ATP7B: variants seen among roughly 807,000 people sequenced by gnomAD.
ATP7B encodes ATPase copper transporting beta.
A neutral mutation model predicts 118.9 loss-of-function variants in ATP7B; 113 were observed. That is an observed-to-expected ratio of 0.95 (90% CI 0.82 to 1.11). The LOEUF is 1.11. Ranked by LOEUF, ATP7B falls within the 50% of genes most tolerant of loss-of-function variation. The pLI, the probability that ATP7B is intolerant of heterozygous loss-of-function variation, is 0.00. For synonymous variants in ATP7B, 777 were observed against 727.4 expected, an observed-to-expected ratio of 1.07 and a Z score of -1.10; for missense variants, 1,867 against 1,871.4, an observed-to-expected ratio of 1.00 and a Z score of 0.04.
At chr13:52,006,239 A>AT (rs1447948350) in intron 1 of ATP7B, among the ~76,000 whole-genome samples, 5 of 152,174 alleles carry the variant, frequency 3.3e-5, no homozygotes, top group African/African-American at 1.2e-4. Flanking sequence ...CTCGATATCT[A>AT]TGCTATGGCA....
intron 14 of ATP7B, among the ~76,000 whole-genome samples, chr13:51,943,075 G>A (rs1162734439): frequency 6.6e-6 from 1 of 152,208 alleles, no homozygotes; most frequent in African/African-American, 2.4e-5. Flanking sequence ...AGGAATGGCT[G>A]GGGTTTCTGG....
intron 2 of ATP7B, among the ~76,000 whole-genome samples, chr13:51,971,068 A>G (rs761636527): frequency 2.0e-4 from 31 of 152,222 alleles, no homozygotes; most frequent in Non-Finnish European, 4.1e-4. Flanking sequence ...CTTCAGGAAT[A>G]CTTACTGCAT....
chr13:51,958,144 A>G, intron 8 of ATP7B, 167 bp downstream of exon 8: 1 of 753,844 alleles, frequency 1.3e-6, no homozygotes. Context: ...AGTAGTGACC[A>G]ATTTGGAGAT....
intron 1 of ATP7B, 78 bp downstream of exon 1, chr13:52,011,208 AG>A: frequency 6.2e-7 from 1 of 1,609,764 alleles, no homozygotes; most frequent in Non-Finnish European, 8.5e-7. Flanking sequence ...CCTGGGGGCG[AG>A]TAAGCGCCGA....
In ATP7B at chr13:51,965,013, C is replaced by T. The variant is rs116703544; in HGVS notation, c.1728G>A (p.Ala576=). 1,395 of 1,614,086 alleles carry T rather than the reference C, an allele frequency of 8.6e-4. 8 individuals carry two copies. In the African/African-American group the frequency reaches 0.014, roughly 16 times the overall value. The part of the protein sequence containing the change: ...IELTITGMTC[A]SCVHNIESKL... ...TGGACTCTATGTTGTGGACACAGGA[C>T]GCGCAGGTCATCCCTGTGATCTGCA... Residue 576 remains alanine, a synonymous_variant, in exon 5 of 21, where the codon GCG becomes GCA. Transcript: ENST00000242839.
Position 51,974,131 on chromosome 13 carries a change from A to T in ATP7B, c.1089T>A (p.Ile363=). 6.2e-7 allele frequency: 1 copy of T among 1,613,902 alleles called. No individual in the cohort carries two copies. Among genetic ancestry groups the T allele is most frequent in the African/African-American group, 1.3e-5 (1 of 74,952 alleles). The part of the protein sequence containing the change: ...QVQGTCSTTL[I]AIAGMTCASC... ...ATGCACAGGTCATGCCGGCAATGGC[A>T]ATCAGAGTGGTACTGCATGTGCCCT... Residue 363 remains isoleucine, a synonymous_variant, in exon 2 of 21, where the codon ATT becomes ATA. Coordinates refer to ENST00000242839, the MANE Select transcript of ATP7B (RefSeq NM_000053.4).
intron 1 of ATP7B, among the ~76,000 whole-genome samples, chr13:51,994,886 C>T (rs909062154): frequency 2.0e-5 from 3 of 152,184 alleles, no homozygotes; most frequent in Admixed American, 6.5e-5. Context: ...GTTATACTGT[C>T]TTACTTTTGG....
At chr13:51,962,046 T>C in intron 5 of ATP7B, 133 bp from the exon 6 acceptor site, 1 of 721,270 alleles carries the variant, frequency 1.4e-6, no homozygotes, top group Non-Finnish European at 2.4e-6. Context: ...CTTTGTGGGT[T>C]TTCTGCTTAC....
rs769655497 is a variant in ATP7B, at chr13:51,974,868, C to T, written c.352G>A (p.Asp118Asn). ...CLQQVCHQIG[D>N]MGFEASIAEG... ...GCAATGCTGGCCTCGAAGCCCATGT[C>T]CCCAATTTGATGGCAAACCTGTTGC... The change falls in exon 2 of 21, where the codon GAC becomes AAC. Residue 118 changes from aspartate to asparagine, a missense_variant. Asp to Asn is a conservative substitution (Grantham distance 23). Transcript: ENST00000242839. 105 of 1,614,118 alleles carry T rather than the reference C, an allele frequency of 6.5e-5. No homozygotes were observed. In the Admixed American group the frequency reaches 1.6e-3, roughly 25 times the overall value.
chr13:51,934,681 C>G lies in ATP7B; in HGVS notation c.*75G>C, dbSNP rs1270714112. 3.1e-6 allele frequency: 5 copies of G among 1,598,206 alleles called. No homozygotes were observed. The African/African-American group carries it at 5.4e-5, about 17-fold the overall frequency. ...AAAGCTGGAGGCTAGCTCAGCCCAT[C>G]CTGCTGCTGGCTGTCCTGCTCAGCT... On this transcript the variant is annotated 3_prime_UTR_variant, in exon 21 of 21. Transcript: ENST00000242839.
chr13:51,970,743 C>G lies in ATP7B; in HGVS notation c.1292G>C (p.Cys431Ser). Residue 431 changes from cysteine to serine, a missense_variant, in exon 3 of 21, where the codon TGT becomes TCT. Cys to Ser is a moderately radical substitution (Grantham distance 112). Transcript: ENST00000242839. ...GFEASVVSES[C>S]STNPLGNHSA... ...GTGGTTTCCAAGAGGGTTAGTAGAA[C>G]AGCTTTCTAGGATAAAATGTCAGAA... The G allele has an allele frequency of 6.2e-7, 1 of 1,613,706 alleles. No homozygotes were observed. The highest frequency in any genetic ancestry group is 8.5e-7 in the Non-Finnish European group (1 of 1,179,658).
At chr13:51,938,842 G>A (rs1398887875) in intron 17 of ATP7B, among the ~76,000 whole-genome samples, 1 of 152,122 alleles carries the variant, frequency 6.6e-6, no homozygotes, top group African/African-American at 2.4e-5. Context: ...GGATGCATGC[G>A]CCCAAGCTCC....
At chr13:51,958,659 C>T in intron 7 of ATP7B, 115 bp from the exon 8 acceptor site, 1 of 860,380 alleles carries the variant, frequency 1.2e-6, no homozygotes, top group Non-Finnish European at 1.9e-6. Flanking sequence ...ACAGTCGTGA[C>T]AGTACTTCTT....
intron 4 of ATP7B, among the ~76,000 whole-genome samples, chr13:51,967,371 A>G (rs936642642): frequency 6.6e-6 from 1 of 152,202 alleles, no homozygotes; most frequent in Non-Finnish European, 1.5e-5. Context: ...ACACTACAAT[A>G]AAAAAATTGT....
At position 51,937,592 on chromosome 13, in the gene ATP7B, C is replaced by T. The variant is rs781514805; in HGVS notation, c.3787G>A (p.Ala1263Thr). 3.1e-6 allele frequency: 5 copies of T among 1,614,258 alleles called. No individual in the cohort carries two copies. The highest frequency in any genetic ancestry group is 3.4e-6 in the Non-Finnish European group (4 of 1,180,052). Residue 1263 changes from alanine to threonine, a missense_variant, in exon 18 of 21, where the codon GCC becomes ACC. By Grantham distance (58) the Ala-to-Thr change is moderately conservative. Transcript: ENST00000242839. ...QELQNKGKKV[A>T]MVGDGVNDSP... ...TCATTGACCCCATCCCCCACCATGG[C>T]GACTTTCTTCCCTTTATTCTGGAGC...
Position 51,939,085 on chromosome 13 carries a change from T to C in ATP7B, c.3665A>G (p.Asp1222Gly). The change falls in exon 17 of 21, where the codon GAC (aspartate) becomes GGC (glycine). Residue 1222 changes from aspartate (D) to glycine (G), a missense_variant. Physicochemically the swap from Asp to Gly is moderately conservative, Grantham distance 94. Coordinates refer to ENST00000242839, the MANE Select transcript of ATP7B (RefSeq NM_000053.4). ...AATAGCTCTGGCTGTCTTCCGGTTG[T>C]CCCCCGTGATCAGAACCACGTCCAC... ...MGVDVVLITG[D>G]NRKTARAIAT... The C allele has an allele frequency of 1.2e-6, 2 of 1,614,214 alleles. No individual in the cohort carries two copies. The highest frequency in any genetic ancestry group is 1.7e-6 in the Non-Finnish European group (2 of 1,180,036).
chr13:51,969,487 G>T (rs189473439), intron 3 of ATP7B, among the ~76,000 whole-genome samples: 1 of 150,366 alleles, frequency 6.7e-6, no homozygotes, highest in Non-Finnish European at 1.5e-5. Flanking sequence ...AAAAAATAAA[G>T]AATTTTCAAA....
At position 51,966,496 on chromosome 13, in the gene ATP7B, C is replaced by T. The variant is rs142214113; in HGVS notation, c.1708-1463G>A. On this transcript the variant is annotated intron_variant, in intron 4 of 20. Coordinates refer to ENST00000242839, the MANE Select transcript of ATP7B (RefSeq NM_000053.4). ...TGGGAAAGGGAAGTCTTAAGTGTGA[C>T]GTGCTATTCCTGGGATATGTATTAG... Among the ~76,000 whole-genome samples, 384 of 152,328 alleles carry T rather than the reference C, an allele frequency of 2.5e-3. 2 individuals are homozygous for T. The highest frequency in any genetic ancestry group is 7.2e-3 in the African/African-American group (298 of 41,568).
intron 9 of ATP7B, among the ~76,000 whole-genome samples, chr13:51,953,576 G>A (rs1008446481): frequency 1.3e-5 from 2 of 152,088 alleles, no homozygotes; most frequent in Non-Finnish European, 2.9e-5. Context: ...GGGTTAATGT[G>A]GCTCCTACTG....
Sources: gnomAD v4.1 joint callset for allele counts (sites outside exome capture counted in the v4.1 genomes callset) on GRCh38, gnomAD v4.1.1 for gene constraint, MANE v1.5 for transcripts, NCBI Gene and HGNC (gene_info 2026-07-23, HGNC 2026-07-21) for gene names.